The following TNFRSF1B variants were observed in gnomAD, a reference collection of about 807,000 sequenced individuals.
The protein encoded by TNFRSF1B is tumor necrosis factor receptor superfamily member 1B.
TNFRSF1B carries 19 observed loss-of-function variants against 44.6 expected under a neutral mutation model. The ratio of observed to expected loss-of-function variants is 0.43; its 90% confidence interval spans 0.30 to 0.62. The LOEUF is 0.62. TNFRSF1B is among the 20% of genes least tolerant of loss of function. TNFRSF1B has a pLI of 0.16. For synonymous variants in TNFRSF1B, 252 were observed against 261.1 expected (o/e 0.97, Z 0.34); for missense variants, 541 against 619.9 (o/e 0.87, Z 1.35).
intron 1 of TNFRSF1B, among the ~76,000 whole-genome samples, chr1:12,183,396 A>G (rs1638854184): frequency 6.6e-6 from 1 of 152,054 alleles, no homozygotes; most frequent in African/African-American, 2.4e-5. Flanking sequence ...TGCCTCACCA[A>G]TTGGAATATA....
chr1:12,168,302 G>C lies in TNFRSF1B; in HGVS notation c.78+1133G>C, dbSNP rs974020372. Among the ~76,000 whole-genome samples the C allele has an allele frequency of 6.6e-6, 1 of 152,194 alleles. No homozygotes were observed. The highest frequency in any genetic ancestry group is 1.5e-5 in the Non-Finnish European group (1 of 68,024). On this transcript the variant is annotated intron_variant, in intron 1 of 9. Transcript: ENST00000376259. This position sits in a 1 kb window ranked among gnomAD's most constrained non-coding sequence, Gnocchi z 4.7. ...GCACTGGCTTCTGTGGTGACATAAGGTGACTTGTTGATCTGAGGCCAGAGA... is the reference window on the plus strand; with the variant it reads ...GCACTGGCTTCTGTGGTGACATAAGCTGACTTGTTGATCTGAGGCCAGAGA...
rs1446741745 is a variant in TNFRSF1B at position 12,180,945 on chromosome 1, T to G, written c.79-7851T>G. Among the ~76,000 whole-genome samples, 1 of 152,198 alleles carries G rather than the reference T, an allele frequency of 6.6e-6. No individual in the cohort carries two copies. Among genetic ancestry groups the G allele is most frequent in the East Asian group, 1.9e-4 (1 of 5,198 alleles). On this transcript the variant is annotated intron_variant, in intron 1 of 9. Transcript: ENST00000376259. The surrounding 1 kb of genome is among the most constrained non-coding windows in gnomAD (Gnocchi z 4.3). ...CCAGTGTTCCTCTGAGCAAAGTCCC[T>G]GTGAGTTAGCCCAAGGTCCCTGTCA...
intron 1 of TNFRSF1B, among the ~76,000 whole-genome samples, chr1:12,181,016 C>T (rs946412902): frequency 7.9e-5 from 12 of 152,174 alleles, no homozygotes; most frequent in East Asian, 5.8e-4. Context: ...TTTGCCCCAC[C>T]GAAGCCTCTG....
chr1:12,202,019 A>C lies in TNFRSF1B; in HGVS notation c.953A>C (p.His318Pro), dbSNP rs116544657. ...GGTACACAGGGCCCCGAGCAGCAGC[A>C]CCTGCTGATCACAGCGCCGAGCTCC... ...ARGTQGPEQQHLLITAPSSSS... is the reference protein window; with the variant it reads ...ARGTQGPEQQPLLITAPSSSS... The change falls in exon 9 of 10, where the codon CAC becomes CCC. Residue 318 changes from histidine to proline, a missense_variant. Transcript: ENST00000376259. 1 of 1,612,846 alleles carries C rather than the reference A, an allele frequency of 6.2e-7. No homozygotes were observed. Among genetic ancestry groups the C allele is most frequent in the African/African-American group, 1.3e-5 (1 of 75,022 alleles).
chr1:12,187,453 C>T lies in TNFRSF1B; in HGVS notation c.79-1343C>T, dbSNP rs17881487. Among the ~76,000 whole-genome samples the T allele has an allele frequency of 0.011, 1,631 of 152,250 alleles. 34 individuals are homozygous for T. The highest frequency in any genetic ancestry group is 0.037 in the African/African-American group (1,546 of 41,542). Reference sequence around the variant, plus strand: ...CAGGTGTGAGCCACCACACCTGGCCCTCTCTCTCTTTTCATTCATCACATT... The same window carrying T: ...CAGGTGTGAGCCACCACACCTGGCCTTCTCTCTCTTTTCATTCATCACATT... On this transcript the variant is annotated intron_variant, in intron 1 of 9. Transcript: ENST00000376259. This position sits in a 1 kb window ranked among gnomAD's most constrained non-coding sequence, Gnocchi z 5.5.
chr1:12,170,503 G>T (rs966408009), intron 1 of TNFRSF1B, among the ~76,000 whole-genome samples: 2 of 152,214 alleles, frequency 1.3e-5, no homozygotes, highest in African/African-American at 4.8e-5. Context: ...CTGGCACAGT[G>T]GCTCCCCGTA....
Position 12,191,099 on chromosome 1 carries a change from G to C in TNFRSF1B, c.307+14G>C, listed in dbSNP as rs760784381. 3.7e-6 allele frequency: 6 copies of C among 1,610,798 alleles called. No individual in the cohort carries two copies. In the South Asian group the frequency reaches 4.4e-5, roughly 12 times the overall value. ...GCTGTAGCTCTGGTGAGTAGGTTCA[G>C]AGAAAAAGGGGGCCCTTACACCCCT... is the stretch of plus-strand genomic sequence containing the variant. On this transcript the variant is annotated intron_variant, in intron 3 of 9. Transcript: ENST00000376259.
intron 8 of TNFRSF1B, among the ~76,000 whole-genome samples, 163 bp downstream of exon 8, chr1:12,194,781 C>A (rs1639230428): frequency 6.6e-6 from 1 of 152,202 alleles, no homozygotes; most frequent in Non-Finnish European, 1.5e-5. Context: ...AGGCAGCCCT[C>A]CATGGGCTAA....
chr1:12,198,216 G>A (rs988018055), intron 8 of TNFRSF1B, among the ~76,000 whole-genome samples: 15 of 151,896 alleles, frequency 9.9e-5, no homozygotes, highest in Admixed American at 9.2e-4. Context: ...TCTGATAACA[G>A]GTGCGAACAT....
Position 12,202,040 on chromosome 1 carries a change from G to A in TNFRSF1B, c.974G>A (p.Ser325Asn). The A allele has an allele frequency of 6.2e-7, 1 of 1,611,332 alleles. No homozygotes were observed. ...CAGCACCTGCTGATCACAGCGCCGA[G>A]CTCCAGCAGCAGCTCCCTGGAGAGC... is the stretch of plus-strand genomic sequence containing the variant. ...EQQHLLITAP[S>N]SSSSSLESSA... The change falls in exon 9 of 10, where the codon AGC (serine) becomes AAC (asparagine). Residue 325 changes from serine to asparagine, a missense_variant. Coordinates refer to ENST00000376259, the MANE Select transcript of TNFRSF1B (RefSeq NM_001066.3).
intron 8 of TNFRSF1B, among the ~76,000 whole-genome samples, chr1:12,201,002 C>T (rs1639379376): frequency 6.6e-6 from 1 of 152,040 alleles, no homozygotes; most frequent in Non-Finnish European, 1.5e-5. Context: ...CCTGGTATCC[C>T]AGCACTTTGG....
chr1:12,202,365 C>A (rs1031208113), intron 9 of TNFRSF1B, among the ~76,000 whole-genome samples, 194 bp downstream of exon 9: 2 of 152,250 alleles, frequency 1.3e-5, no homozygotes, highest in South Asian at 4.1e-4. Context: ...CCTCAAAATC[C>A]TCCCTTCTGT....
Position 12,169,567 on chromosome 1 carries a change from G to T in TNFRSF1B, c.78+2398G>T, listed in dbSNP as rs1396179169. Among the ~76,000 whole-genome samples, 1 of 152,178 alleles carries T rather than the reference G, an allele frequency of 6.6e-6. No homozygotes were observed. The highest frequency in any genetic ancestry group is 1.5e-5 in the Non-Finnish European group (1 of 68,034). On this transcript the variant is annotated intron_variant, in intron 1 of 9. Coordinates refer to ENST00000376259, the MANE Select transcript of TNFRSF1B (RefSeq NM_001066.3). This position sits in a 1 kb window ranked among gnomAD's most constrained non-coding sequence, Gnocchi z 4.5. ...TATCTGCACTCATGCTCCCAGCCAG[G>T]CCCTCACACACAGTGGGTTCTCAGG...
intron 1 of TNFRSF1B, among the ~76,000 whole-genome samples, chr1:12,173,799 G>T (rs1461051017): frequency 6.6e-6 from 1 of 152,218 alleles, no homozygotes; most frequent in South Asian, 2.1e-4. Flanking sequence ...TGACTGCGGG[G>T]CTGGGGCTCT....
In TNFRSF1B at chr1:12,199,851, G is replaced by A. The variant is rs1270812664; in HGVS notation, c.901-2116G>A. ...TGTTTTCATCCTGGGCAGGCCAGGGGCCAGGGCAGCTGTTGGGAATGTGGC... is the reference window on the plus strand; with the variant it reads ...TGTTTTCATCCTGGGCAGGCCAGGGACCAGGGCAGCTGTTGGGAATGTGGC... On this transcript the variant is annotated intron_variant, in intron 8 of 9. Transcript: ENST00000376259. The surrounding 1 kb of genome is among the most constrained non-coding windows in gnomAD (Gnocchi z 4.0). 6.6e-6 allele frequency among the ~76,000 whole-genome samples: 1 copy of A among 152,244 alleles called. No individual in the cohort carries two copies. Among genetic ancestry groups the A allele is most frequent in the African/African-American group, 2.4e-5 (1 of 41,470 alleles).
At chr1:12,204,820 A>T (rs1639467285) in intron 9 of TNFRSF1B, among the ~76,000 whole-genome samples, 1 of 151,990 alleles carries the variant, frequency 6.6e-6, no homozygotes, top group Non-Finnish European at 1.5e-5. Context: ...ACCACCAACA[A>T]AAAAACCCGT....
intron 1 of TNFRSF1B, among the ~76,000 whole-genome samples, chr1:12,174,267 T>TTCTTCTTCTTTTTTA (rs772504515): frequency 1.9e-4 from 27 of 144,730 alleles, no homozygotes; most frequent in Non-Finnish European, 3.1e-4. Context: ...CTTCTTCTTC[T>TTCTTCTTCTTTTTTA]GATGGAGTCT....
rs606380 is a variant in TNFRSF1B, at chr1:12,187,438, C to A, written c.79-1358C>A. Among the ~76,000 whole-genome samples, 1 of 152,188 alleles carries A rather than the reference C, an allele frequency of 6.6e-6. No individual in the cohort carries two copies. Among genetic ancestry groups the A allele is most frequent in the Non-Finnish European group, 1.5e-5 (1 of 68,020 alleles). ...AAAGTGCTGGGATTACAGGTGTGAG[C>A]CACCACACCTGGCCCTCTCTCTCTT... is the stretch of plus-strand genomic sequence containing the variant. On this transcript the variant is annotated intron_variant, in intron 1 of 9. Transcript: ENST00000376259. The surrounding 1 kb of genome is among the most constrained non-coding windows in gnomAD (Gnocchi z 5.5).
Position 12,192,488 on chromosome 1 carries a change from C to T in TNFRSF1B, c.515C>T (p.Thr172Met), listed in dbSNP as rs571129550. The T allele has an allele frequency of 4.0e-5, 64 of 1,614,112 alleles. 1 individual carries two copies. The South Asian group carries it at 6.4e-4, about 16-fold the overall frequency. ...KPCAPGTFSNTTSSTDICRPH... is the reference protein window; with the variant it reads ...KPCAPGTFSNMTSSTDICRPH... ...TGTGCCCCGGGGACGTTCTCCAACA[C>T]GACTTCATCCACGGATATTTGCAGG... The change falls in exon 5 of 10, where the codon ACG becomes ATG. Residue 172 changes from threonine (T) to methionine (M), a missense_variant. Physicochemically the swap from Thr to Met is moderately conservative, Grantham distance 81. Transcript: ENST00000376259.
Sources: allele counts gnomAD v4.1 joint callset (sites outside exome capture counted in the v4.1 genomes callset), GRCh38; gene constraint gnomAD v4.1.1; non-coding constraint Gnocchi (gnomAD v3.1); transcripts MANE v1.5; gene names NCBI Gene and HGNC (gene_info 2026-07-23, HGNC 2026-07-21).